The following NOTCH1 variants were observed in gnomAD, a reference collection of about 807,000 sequenced individuals.
NOTCH1 encodes the protein notch receptor 1.
Under a neutral mutation model 254.8 loss-of-function variants are expected in NOTCH1, and 37 were observed. That is an observed-to-expected ratio of 0.15 (90% CI 0.11 to 0.19). The LOEUF (loss-of-function observed/expected upper bound fraction) is 0.19, where lower values mean the gene tolerates loss of function less well. NOTCH1 is among the 10% of genes least tolerant of loss of function. The pLI, the probability that NOTCH1 is intolerant of heterozygous loss-of-function variation, is 1.00. For synonymous variants in NOTCH1, 1,731 were observed against 1,618.1 expected (o/e 1.07, Z -1.68); for missense variants, 2,972 against 3,708.6 (o/e 0.80, Z 5.16).
intron 17 of NOTCH1, 167 bp downstream of exon 17, chr9:136,510,486 C>T: frequency 2.2e-6 from 2 of 906,496 alleles, no homozygotes; most frequent in East Asian, 2.6e-5. Flanking sequence ...CCCTCCTGAA[C>T]CACCCTGGCC....
chr9:136,516,636 G>A (rs1315517738), intron 9 of NOTCH1, among the ~76,000 whole-genome samples: 1 of 152,112 alleles, frequency 6.6e-6, no homozygotes, highest in Admixed American at 6.5e-5. Flanking sequence ...AGGGCAGGCT[G>A]GCCTCCCTCC....
At position 136,496,779 on chromosome 9, in the gene NOTCH1, C is replaced by G; in HGVS notation, c.6960G>C (p.Pro2320=). The stretch of plus-strand genomic sequence containing the variant: ...TCCCCCGCAGAGGGTTGTATTGGTT[C>G]GGCACCATGCCGCTCTGCAGCCGGG... ...WLSRLQSGMV[P]NQYNPLRGSV... is the part of the protein sequence containing the mutation. Residue 2320 remains proline (P), a synonymous_variant, in exon 34 of 34, where the codon CCG becomes CCC. Transcript: ENST00000651671. 1 of 1,612,852 alleles carries G rather than the reference C, an allele frequency of 6.2e-7. No individual in the cohort carries two copies. Among genetic ancestry groups the G allele is most frequent in the Non-Finnish European group, 8.5e-7 (1 of 1,179,996 alleles).
chr9:136,500,046 G>A (rs572559103), intron 31 of NOTCH1, among the ~76,000 whole-genome samples: 1 of 152,226 alleles, frequency 6.6e-6, no homozygotes, highest in South Asian at 2.1e-4. Flanking sequence ...CCCCTGCCAG[G>A]GACACTCCCT....
rs543505670 is a variant in NOTCH1, at chr9:136,496,013, C to T, written c.*58G>A. ...CTGGTCGGCCCTGGCATCCACAGAG[C>T]GCACACAGACGCCCGAAGGCTTGGG... On this transcript the variant is annotated 3_prime_UTR_variant, in exon 34 of 34. Coordinates refer to ENST00000651671, the MANE Select transcript of NOTCH1 (RefSeq NM_017617.5). 2.9e-5 allele frequency: 45 copies of T among 1,552,902 alleles called. No homozygotes were observed. Among genetic ancestry groups the T allele is most frequent in the South Asian group, 2.8e-4 (24 of 86,212 alleles).
In NOTCH1 at chr9:136,505,905, G is replaced by A. The variant is rs185477559; in HGVS notation, c.4015-24C>T. On this transcript the variant is annotated intron_variant, in intron 24 of 33. Transcript: ENST00000651671. ...CCCTGCCCGAGAGGGAAGACAGGAC[G>A]GTGTCGGGGTGGGCCACCCCCCGCC... 2,781 of 1,561,186 alleles carry A rather than the reference G, an allele frequency of 1.8e-3. 8 individuals are homozygous for A. Among genetic ancestry groups the A allele is most frequent in the African/African-American group, 5.9e-3 (435 of 74,290 alleles).
At position 136,496,068 on chromosome 9, in the gene NOTCH1, C is replaced by G. The variant is rs559622871; in HGVS notation, c.*3G>C. ...GAAGCCGGGGTCTCGTGGGGCGCGC[C>G]GTTTACTTGAAGGCCTCCGGAATGC... is the stretch of plus-strand genomic sequence containing the variant. On this transcript the variant is annotated 3_prime_UTR_variant, in exon 34 of 34. Transcript: ENST00000651671. 1 of 1,598,778 alleles carries G rather than the reference C, an allele frequency of 6.3e-7. No individual in the cohort carries two copies. The highest frequency in any genetic ancestry group is 1.1e-5 in the South Asian group (1 of 89,188).
chr9:136,513,359 C>G lies in NOTCH1; in HGVS notation c.2353+33G>C. Reference sequence around the variant, plus strand: ...TCCAGCTCCCCAGACTCGAGGGCGGCCCTCTGCACTGAGAAACGCGCAGCC... The same window carrying G: ...TCCAGCTCCCCAGACTCGAGGGCGGGCCTCTGCACTGAGAAACGCGCAGCC... On this transcript the variant is annotated intron_variant, in intron 14 of 33. Coordinates refer to ENST00000651671, the MANE Select transcript of NOTCH1 (RefSeq NM_017617.5). This position sits in a 1 kb window ranked among gnomAD's most constrained non-coding sequence, Gnocchi z 4.7. 1 of 1,612,072 alleles carries G rather than the reference C, an allele frequency of 6.2e-7. No individual in the cohort carries two copies. The highest frequency in any genetic ancestry group is 1.3e-5 in the African/African-American group (1 of 75,056).
chr9:136,513,592 C>A lies in NOTCH1; in HGVS notation c.2208-55G>T. The A allele has an allele frequency of 6.2e-7, 1 of 1,602,236 alleles. No individual in the cohort carries two copies. The highest frequency in any genetic ancestry group is 8.5e-7 in the Non-Finnish European group (1 of 1,173,714). Reference sequence around the variant, plus strand: ...GGAGGCCCGAGCAGCACGGCCGGGGCCTGGGCACTCCCGGGTCTGCAATGC... The same window carrying A: ...GGAGGCCCGAGCAGCACGGCCGGGGACTGGGCACTCCCGGGTCTGCAATGC... On this transcript the variant is annotated intron_variant, in intron 13 of 33. Transcript: ENST00000651671. The surrounding 1 kb of genome is among the most constrained non-coding windows in gnomAD (Gnocchi z 4.7).
At position 136,495,667 on chromosome 9, in the gene NOTCH1, C is replaced by G. The variant is rs893249844; in HGVS notation, c.*404G>C. The G allele has an allele frequency of 2.4e-6, 1 of 409,294 alleles. No homozygotes were observed. The highest frequency in any genetic ancestry group is 4.3e-6 in the Non-Finnish European group (1 of 232,126). 25.4% of individuals were successfully genotyped at this position (409,294 alleles called of 1,614,324 possible). ...AGCTTTTTGGACTATGCTCGTTCAA[C>G]TTCCCTTCTCCAACATCATTTCTTT... On this transcript the variant is annotated 3_prime_UTR_variant, in exon 34 of 34. Transcript: ENST00000651671.
At chr9:136,510,389 G>C in intron 17 of NOTCH1, 1 of 592,974 alleles carries the variant, frequency 1.7e-6, no homozygotes, top group South Asian at 2.0e-5. Context: ...GGCCGGGCCC[G>C]AGCCATCCTC....
rs140600154 is a variant in NOTCH1, at chr9:136,539,001, C to T, written c.140+5023G>A. On this transcript the variant is annotated intron_variant, in intron 2 of 33. Transcript: ENST00000651671. ...GAACTGCCCAGTGGGCACCGGTGGCCGCTGCTGCCCATCACAGGTGCAGGG... is the reference window on the plus strand; with the variant it reads ...GAACTGCCCAGTGGGCACCGGTGGCTGCTGCTGCCCATCACAGGTGCAGGG... Among the ~76,000 whole-genome samples, 21 of 152,330 alleles carry T rather than the reference C, an allele frequency of 1.4e-4. No homozygotes were observed. The East Asian group carries it at 1.5e-3, about 11-fold the overall frequency.
chr9:136,522,719 G>C (rs1273641481), intron 4 of NOTCH1, 131 bp downstream of exon 4: 9 of 883,656 alleles, frequency 1.0e-5, no homozygotes, highest in Non-Finnish European at 1.5e-5. Flanking sequence ...TGGGGAACTC[G>C]CCATCCCGCC....
chr9:136,503,839 GCTCCAA>G (rs1843036887), intron 26 of NOTCH1, among the ~76,000 whole-genome samples: 3 of 152,194 alleles, frequency 2.0e-5, no homozygotes, highest in Admixed American at 2.0e-4. Context: ...CTCCAGGATT[GCTCCAA>G]GCCAGCAGAA....
chr9:136,499,310 G>T, intron 31 of NOTCH1, 51 bp from the exon 32 acceptor site: 1 of 1,603,926 alleles, frequency 6.2e-7, no homozygotes, highest in Non-Finnish European at 8.5e-7. Flanking sequence ...GTACACCGAT[G>T]CCTCCTGCCC....
intron 10 of NOTCH1, 30 bp downstream of exon 10, chr9:136,515,951 C>T: frequency 6.4e-7 from 1 of 1,561,902 alleles, no homozygotes; most frequent in South Asian, 1.1e-5. Flanking sequence ...CGTCCCCAGT[C>T]CCTCCCCGCT....
intron 27 of NOTCH1, 26 bp downstream of exon 27, chr9:136,503,156 T>C (rs753049311): frequency 1.2e-6 from 2 of 1,612,428 alleles, no homozygotes; most frequent in Middle Eastern, 1.7e-4. Context: ...AGGCAGAGCC[T>C]GTTCCCGGGA....
intron 33 of NOTCH1, among the ~76,000 whole-genome samples, chr9:136,498,395 C>T (rs537610563): frequency 1.3e-5 from 2 of 152,320 alleles, no homozygotes; most frequent in South Asian, 4.1e-4. Context: ...GAGACTTCTT[C>T]CTCTGAGCCT....
rs61751541 is a variant in NOTCH1, at chr9:136,505,583, C to T, written c.4313G>A (p.Arg1438His). The change falls in exon 25 of 34, where the codon CGC becomes CAC. Residue 1438 changes from arginine (R) to histidine (H), a missense_variant. Around this residue, in one of 8 missense-constraint regions of NOTCH1, gnomAD observed 1,343 missense variants for 1,557.0 expected, o/e 0.86. Transcript: ENST00000651671. ...LDYSFGGGAG[R>H]DIPPPLIEEA... is the part of the protein sequence containing the mutation. ...CTCGATCAGCGGCGGGGGGATGTCG[C>T]GCCCGGCCCCACCCCCGAAGCTGTA... is the stretch of plus-strand genomic sequence containing the variant. The T allele has an allele frequency of 1.3e-4, 203 of 1,610,092 alleles. No individual in the cohort carries two copies. The highest frequency in any genetic ancestry group is 1.6e-4 in the Non-Finnish European group (185 of 1,178,794).
intron 17 of NOTCH1, 198 bp downstream of exon 17, chr9:136,510,455 A>C: frequency 1.5e-6 from 1 of 668,960 alleles, no homozygotes; most frequent in Non-Finnish European, 2.6e-6. Context: ...AAGTGCAGGG[A>C]GGAGCAAGCC....
Sources: gnomAD v4.1 joint callset for allele counts (sites outside exome capture counted in the v4.1 genomes callset) on GRCh38, gnomAD v4.1.1 for gene constraint, gnomAD v4.1.1 regional missense constraint, Gnocchi (gnomAD v3.1) non-coding constraint, MANE v1.5 for transcripts, NCBI Gene and HGNC (gene_info 2026-07-23, HGNC 2026-07-21) for gene names.